Variants in RAD50 observed in about 807,000 individuals in gnomAD.
RAD50 encodes the protein RAD50 double strand break repair protein, also known as DNA repair protein RAD50.
Under a neutral mutation model 168.8 loss-of-function variants are expected in RAD50, and 132 were observed. The observed-to-expected ratio is 0.78, with a 90% CI of 0.68 to 0.90. The LOEUF (loss-of-function observed/expected upper bound fraction) is 0.90. Among genes scored for constraint, RAD50 ranks in the 40% least tolerant of loss-of-function variants. The probability of loss-of-function intolerance (pLI) is 0.00; values close to 1 mark genes in which losing one functional copy is unlikely to be tolerated. For missense variants in RAD50, 1,347 were observed against 1,534.4 expected, an observed-to-expected ratio of 0.88 and a Z score of 2.04; for synonymous variants, 525 against 497.4, an observed-to-expected ratio of 1.06 and a Z score of -0.74.
chr5:132,581,385 G>T (rs1750502756), intron 5 of RAD50, among the ~76,000 whole-genome samples: 2 of 152,294 alleles, frequency 1.3e-5, no homozygotes, highest in South Asian at 4.1e-4. Flanking sequence ...CTCCCAAAGT[G>T]CAGGGATTAC....
chr5:132,592,972 A>T (rs781737468), intron 11 of RAD50: 1 of 446,132 alleles, frequency 2.2e-6, no homozygotes, highest in Admixed American at 2.4e-5. Flanking sequence ...TGAGGTGTCT[A>T]TGGTGTTGGC....
intron 19 of RAD50, among the ~76,000 whole-genome samples, chr5:132,612,311 G>A (rs565923095): frequency 8.5e-5 from 13 of 152,308 alleles, no homozygotes; most frequent in African/African-American, 2.9e-4. Context: ...TAAATCCAGT[G>A]ACAGCAGATT....
At chr5:132,622,251 C>G (rs1685519014) in intron 21 of RAD50, among the ~76,000 whole-genome samples, 1 of 152,138 alleles carries the variant, frequency 6.6e-6, no homozygotes, top group East Asian at 1.9e-4. Flanking sequence ...GCCTCCACCT[C>G]CTGAGTTCAA....
At chr5:132,612,836 T>A (rs137932319) in intron 19 of RAD50, among the ~76,000 whole-genome samples, 5,773 of 151,920 alleles carry the variant, frequency 0.038, 263 homozygotes, top group African/African-American at 0.11. Context: ...TCAAAAAATA[T>A]ATATATATAT....
At chr5:132,607,494 A>C (rs987439794) in intron 16 of RAD50, among the ~76,000 whole-genome samples, 26 of 152,214 alleles carry the variant, frequency 1.7e-4, no homozygotes, top group Non-Finnish European at 3.5e-4. Flanking sequence ...ATGCGTACTC[A>C]TTCAATAAGC....
At chr5:132,624,124 C>T (rs1008390015) in intron 21 of RAD50, among the ~76,000 whole-genome samples, 2 of 152,004 alleles carry the variant, frequency 1.3e-5, no homozygotes, top group African/African-American at 2.4e-5. Flanking sequence ...TATCTTTTGT[C>T]CCATTTCATT....
At chr5:132,608,842 C>T in intron 17 of RAD50, 117 bp downstream of exon 17, 1 of 1,419,754 alleles carries the variant, frequency 7.0e-7, no homozygotes, top group African/African-American at 1.4e-5. Context: ...ATAGTATTTT[C>T]AGATTCATGG....
intron 13 of RAD50, among the ~76,000 whole-genome samples, chr5:132,597,835 C>T (rs1750817849): frequency 6.6e-6 from 1 of 151,822 alleles, no homozygotes; most frequent in African/African-American, 2.4e-5. Flanking sequence ...ATTGGGGCCA[C>T]AGAGATGAGG....
chr5:132,640,806 G>A lies in RAD50; in HGVS notation c.3752+1G>A, dbSNP rs2149865895. On this transcript the variant is annotated splice_donor_variant, in intron 24 of 24. Transcript: ENST00000378823. LOFTEE classifies it high-confidence loss of function. The stretch of plus-strand genomic sequence containing the variant: ...AATCTCTTGCACATGCTCTGGTTGA[G>A]TAAGTATCTCTTGCACATGCTCTGG... The A allele has an allele frequency of 6.2e-7, 1 of 1,613,192 alleles. No individual in the cohort carries two copies. The highest frequency in any genetic ancestry group is 8.5e-7 in the Non-Finnish European group (1 of 1,179,472).
chr5:132,629,579 A>G lies in RAD50; in HGVS notation c.3390-7536A>G, dbSNP rs566603415. ...GAAAAGAGGTGATACAAATTTCCCCAAAATTGAGTCTTTGTGGCTTATGCT... is the reference window on the plus strand; with the variant it reads ...GAAAAGAGGTGATACAAATTTCCCCGAAATTGAGTCTTTGTGGCTTATGCT... On this transcript the variant is annotated intron_variant, in intron 21 of 24. Coordinates refer to ENST00000378823, the MANE Select transcript of RAD50 (RefSeq NM_005732.4). 2.0e-4 allele frequency among the ~76,000 whole-genome samples: 30 copies of G among 152,350 alleles called. No individual in the cohort carries two copies. In the South Asian group the frequency reaches 3.5e-3, roughly 18 times the overall value.
At chr5:132,559,159 TATA>T (rs2149831188) in intron 1 of RAD50, 122 bp from the exon 2 acceptor site, 2 of 972,972 alleles carry the variant, frequency 2.1e-6, no homozygotes, top group East Asian at 2.8e-5. Flanking sequence ...TTACAGGTTT[TATA>T]ATGTCAGATT....
At chr5:132,562,145 A>G (rs1333532170) in intron 2 of RAD50, among the ~76,000 whole-genome samples, 2 of 152,230 alleles carry the variant, frequency 1.3e-5, no homozygotes, top group African/African-American at 4.8e-5. Context: ...ACAAGGGAAA[A>G]TGGTAGAAAA....
At chr5:132,585,202 C>T (rs540848393) in intron 5 of RAD50, among the ~76,000 whole-genome samples, 37 of 152,268 alleles carry the variant, frequency 2.4e-4, no homozygotes, top group South Asian at 1.9e-3. Context: ...GTTGCTAGGT[C>T]GTGTGGTAAA....
At chr5:132,571,816 C>T (rs76839246) in intron 2 of RAD50, among the ~76,000 whole-genome samples, 2,979 of 152,236 alleles carry the variant, frequency 0.02, 76 homozygotes, top group African/African-American at 0.061. Flanking sequence ...AACTCATCAT[C>T]GCTTGTATAA....
Position 132,640,681 on chromosome 5 carries a change from T to C in RAD50, c.3628T>C (p.Ser1210Pro), listed in dbSNP as rs2149865542. The C allele has an allele frequency of 6.2e-7, 1 of 1,614,244 alleles. No individual in the cohort carries two copies. Among genetic ancestry groups the C allele is most frequent in the Non-Finnish European group, 8.5e-7 (1 of 1,180,032 alleles). The stretch of plus-strand genomic sequence containing the variant: ...AGGGGCTTTTTTCCAGGTATTAGCC[T>C]CACTCATCATTCGCCTGGCCCTGGC... ...RCSAGQKVLA[S>P]LIIRLALAET... The change falls in exon 24 of 25, where the codon TCA becomes CCA. Residue 1210 changes from serine (S) to proline (P), a missense_variant. This residue lies in a region of RAD50 where 635 missense variants were observed against 739.2 expected (regional missense o/e 0.86). Coordinates refer to ENST00000378823, the MANE Select transcript of RAD50 (RefSeq NM_005732.4).
chr5:132,621,577 T>C (rs1751286500), intron 21 of RAD50, among the ~76,000 whole-genome samples: 1 of 152,208 alleles, frequency 6.6e-6, no homozygotes, highest in African/African-American at 2.4e-5. Flanking sequence ...TGAATGACTG[T>C]TAGTGGTAAA....
intron 19 of RAD50, among the ~76,000 whole-genome samples, chr5:132,614,862 A>G (rs1157507345): frequency 6.6e-6 from 1 of 152,040 alleles, no homozygotes; most frequent in African/African-American, 2.4e-5. Context: ...AGTCACGCAT[A>G]GAGGGGCAGG....
In RAD50 at chr5:132,595,677, G is replaced by A. The variant is rs752824477; in HGVS notation, c.2074G>A (p.Ala692Thr). ...TTGTCAGAGAGTTTTTCAGACAGAG[G>A]CTGAGTTACAAGAAGTCATCAGTGA... ...PVCQRVFQTE[A>T]ELQEVISDLQ... The change falls in exon 13 of 25, where the codon GCT becomes ACT. Residue 692 changes from alanine to threonine, a missense_variant. Physicochemically the swap from Ala to Thr is moderately conservative, Grantham distance 58. This residue lies in a region of RAD50 where 635 missense variants were observed against 739.2 expected (regional missense o/e 0.86). Transcript: ENST00000378823. 1 of 1,613,960 alleles carries A rather than the reference G, an allele frequency of 6.2e-7. No homozygotes were observed. Among genetic ancestry groups the A allele is most frequent in the South Asian group, 1.1e-5 (1 of 91,082 alleles).
intron 23 of RAD50, among the ~76,000 whole-genome samples, chr5:132,638,651 T>C (rs1370315036): frequency 6.6e-6 from 1 of 152,184 alleles, no homozygotes; most frequent in Non-Finnish European, 1.5e-5. Flanking sequence ...GATTCTAGCT[T>C]AAGCTAGAAT....
Sources: gnomAD v4.1 joint callset for allele counts (sites outside exome capture counted in the v4.1 genomes callset) on GRCh38, gnomAD v4.1.1 for gene constraint, gnomAD v4.1.1 regional missense constraint, MANE v1.5 for transcripts, NCBI Gene and HGNC (gene_info 2026-07-23, HGNC 2026-07-21) for gene names.